The following GARS1 variants were observed in gnomAD, a reference collection of about 807,000 sequenced individuals.
The protein encoded by GARS1 is glycyl-tRNA synthetase 1, also known as glycine--tRNA ligase.
In GARS1, 46 loss-of-function variants were observed where a neutral mutation model predicts 86.4. That is an observed-to-expected ratio of 0.53 (90% CI 0.42 to 0.68). The LOEUF (loss-of-function observed/expected upper bound fraction) is 0.68. Among genes scored for constraint, GARS1 ranks in the 30% least tolerant of loss-of-function variants. The probability of loss-of-function intolerance (pLI) is 0.00; values close to 1 mark genes in which losing one functional copy is unlikely to be tolerated. For synonymous variants in GARS1, 342 were observed against 329.8 expected (o/e 1.04, Z -0.40); for missense variants, 797 against 915.6 (o/e 0.87, Z 1.67).
chr7:30,626,618 T>C (rs1312479581), intron 13 of GARS1, among the ~76,000 whole-genome samples: 1 of 152,238 alleles, frequency 6.6e-6, no homozygotes, highest in Non-Finnish European at 1.5e-5. Context: ...CCCAAAGTGC[T>C]GAGATTACAG....
At position 30,595,066 on chromosome 7, in the gene GARS1, G is replaced by A; in HGVS notation, c.145G>A (p.Ala49Thr). 1 of 1,550,728 alleles carries A rather than the reference G, an allele frequency of 6.4e-7. No individual in the cohort carries two copies. Among genetic ancestry groups the A allele is most frequent in the Non-Finnish European group, 8.7e-7 (1 of 1,154,204 alleles). Residue 49 changes from alanine (A) to threonine (T), a missense_variant, in exon 1 of 17, where the codon GCC (alanine) becomes ACC (threonine). Around this residue, in one of 2 missense-constraint regions of GARS1, gnomAD observed 199 missense variants for 176.9 expected, o/e 1.12. Coordinates refer to ENST00000389266, the MANE Select transcript of GARS1 (RefSeq NM_002047.4). The stretch of plus-strand genomic sequence containing the variant: ...CTGCCCCCCGATCTCCTTGCCCGCC[G>A]CCGCCTCCCGGAGCAGCATGGACGG... ...ASCPPISLPA[A>T]ASRSSMDGAG... is the part of the protein sequence containing the mutation.
At chr7:30,597,026 A>G (rs1333791443) in intron 1 of GARS1, among the ~76,000 whole-genome samples, 1 of 152,242 alleles carries the variant, frequency 6.6e-6, no homozygotes, top group Non-Finnish European at 1.5e-5. Flanking sequence ...TTAAGAAAAC[A>G]ACGGTTAGTA....
rs1783000386 is a variant in GARS1, at chr7:30,621,290, A to G, written c.1360-103A>G. On this transcript the variant is annotated intron_variant, in intron 10 of 16. Transcript: ENST00000389266. ...TGAATGAAGATTATATCATCGAATT[A>G]TCATTGAATATATGAAAGGTTTATA... 1.2e-5 allele frequency: 11 copies of G among 928,284 alleles called. 1 individual carries two copies. In the South Asian group the frequency reaches 1.5e-4, roughly 12 times the overall value. 57.5% of individuals were successfully genotyped at this position (928,284 alleles called of 1,614,324 possible). A position where few individuals can be genotyped will look rare whatever the true frequency, so the allele number is the denominator to read the frequency against.
intron 6 of GARS1, among the ~76,000 whole-genome samples, chr7:30,603,799 A>G (rs1791429435): frequency 6.6e-6 from 1 of 152,202 alleles, no homozygotes; most frequent in Non-Finnish European, 1.5e-5. Context: ...GTTAATAGGC[A>G]TTCAATTTGT....
In GARS1 at chr7:30,632,418, T is replaced by C. The variant is rs1160380398; in HGVS notation, c.2075T>C (p.Met692Thr). The change falls in exon 16 of 17, where the codon ATG (methionine) becomes ACG (threonine). Residue 692 changes from methionine (M) to threonine (T), a missense_variant. By Grantham distance (81) the Met-to-Thr change is moderately conservative. Around this residue, in one of 2 missense-constraint regions of GARS1, gnomAD observed 598 missense variants for 738.7 expected, o/e 0.81. Transcript: ENST00000389266. The surrounding 1 kb of genome is among the most constrained non-coding windows in gnomAD (Gnocchi z 4.1). The part of the protein sequence containing the change: ...HTATLRDRDS[M>T]RQIRAEISEL... ...GCAACTCTGAGGGACCGTGACTCAA[T>C]GCGGCAGATAAGAGCAGAGGTATCT... 1 of 1,614,178 alleles carries C rather than the reference T, an allele frequency of 6.2e-7. No homozygotes were observed. The highest frequency in any genetic ancestry group is 8.5e-7 in the Non-Finnish European group (1 of 1,180,006).
In GARS1 at chr7:30,632,517, T is replaced by G; in HGVS notation, c.2094+80T>G. The G allele has an allele frequency of 6.9e-7, 1 of 1,450,182 alleles. No individual in the cohort carries two copies. Among genetic ancestry groups the G allele is most frequent in the Non-Finnish European group, 9.7e-7 (1 of 1,033,928 alleles). 89.8% of individuals were successfully genotyped at this position (1,450,182 alleles called of 1,614,324 possible). A position where few individuals can be genotyped will look rare whatever the true frequency, so the allele number is the denominator to read the frequency against. On this transcript the variant is annotated intron_variant, in intron 16 of 16. Coordinates refer to ENST00000389266, the MANE Select transcript of GARS1 (RefSeq NM_002047.4). This position sits in a 1 kb window ranked among gnomAD's most constrained non-coding sequence, Gnocchi z 4.1. The stretch of plus-strand genomic sequence containing the variant: ...CTGATTTGTGTTGGATTTTGATGTG[T>G]TTATGCTCCCTTTCCTTTTTTTTTC...
rs895631129 is a variant in GARS1 at position 30,596,487 on chromosome 7, A to G, written c.222+1344A>G. Among the ~76,000 whole-genome samples the G allele has an allele frequency of 2.9e-5, 4 of 137,684 alleles. No homozygotes were observed. In the South Asian group the frequency reaches 6.5e-4, roughly 22 times the overall value. The allele number at this position is 137,684 out of a possible 152,430, so 90.3% of individuals were successfully genotyped here. A position where few individuals can be genotyped will look rare whatever the true frequency, so the allele number is the denominator to read the frequency against. On this transcript the variant is annotated intron_variant, in intron 1 of 16. Transcript: ENST00000389266. Reference sequence around the variant, plus strand: ...AAGGAAGCATACAACTAATTTGGAGAAAAAAAAAAACCACCACACCCAAAC... The same window carrying G: ...AAGGAAGCATACAACTAATTTGGAGGAAAAAAAAAACCACCACACCCAAAC...
chr7:30,595,846 T>C, intron 1 of GARS1: 1 of 471,182 alleles, frequency 2.1e-6, no homozygotes, highest in African/African-American at 2.0e-5. Flanking sequence ...CAGTGAGCCC[T>C]CAGATCGTAA....
At chr7:30,594,766 A>C (rs1347282457), upstream of GARS1, 4 of 638,788 alleles carry the variant, frequency 6.3e-6, no homozygotes, top group Non-Finnish European at 1.1e-5. Context: ...TTTGTGTCGA[A>C]TCTGCGGCGG....
Position 30,633,924 on chromosome 7 carries a change from C to T in GARS1, c.*64C>T. The T allele has an allele frequency of 6.4e-7, 1 of 1,562,532 alleles. No individual in the cohort carries two copies. Among genetic ancestry groups the T allele is most frequent in the Non-Finnish European group, 8.7e-7 (1 of 1,144,290 alleles). On this transcript the variant is annotated 3_prime_UTR_variant, in exon 17 of 17. Transcript: ENST00000389266. ...AAAAAAAAAAAAACTACTCTTATGT[C>T]CACTTTACAAAAGAAAACAGCATTG...
At chr7:30,603,190 C>A in intron 5 of GARS1, 68 bp downstream of exon 5, 1 of 1,342,262 alleles carries the variant, frequency 7.5e-7, no homozygotes, top group Non-Finnish European at 1.1e-6. Context: ...TCTCAGATGT[C>A]TTTCATTAAA....
At chr7:30,603,337 C>A (rs1791418516) in intron 5 of GARS1, among the ~76,000 whole-genome samples, 159 bp from the exon 6 acceptor site, 1 of 152,156 alleles carries the variant, frequency 6.6e-6, no homozygotes, top group South Asian at 2.1e-4. Context: ...GCAAATGAAT[C>A]AAGACAATAC....
chr7:30,598,717 AG>A lies in GARS1; in HGVS notation c.223-77del, dbSNP rs1367452662. 4 of 1,210,650 alleles carry A rather than the reference AG, an allele frequency of 3.3e-6. No homozygotes were observed. The African/African-American group carries it at 6.0e-5, about 18-fold the overall frequency. The allele number at this position is 1,210,650 out of a possible 1,614,324, so 75.0% of individuals were successfully genotyped here. A position where few individuals can be genotyped will look rare whatever the true frequency, so the allele number is the denominator to read the frequency against. ...ATCATTCTTACATAGACTTTTTAAA[AG>A]GCACGCTTAAAAACACATTCCTAAC... is the stretch of plus-strand genomic sequence containing the variant. On this transcript the variant is annotated intron_variant, in intron 1 of 16. Coordinates refer to ENST00000389266, the MANE Select transcript of GARS1 (RefSeq NM_002047.4).
At chr7:30,605,220 TC>T (rs1369676707) in intron 6 of GARS1, among the ~76,000 whole-genome samples, 3 of 152,224 alleles carry the variant, frequency 2.0e-5, no homozygotes, top group African/African-American at 7.2e-5. Flanking sequence ...CATCATTGTT[TC>T]TTTAAAAGGC....
intron 7 of GARS1, 94 bp from the exon 8 acceptor site, chr7:30,612,002 A>T (rs1282765830): frequency 1.0e-5 from 12 of 1,174,044 alleles, no homozygotes; most frequent in Non-Finnish European, 1.4e-5. Flanking sequence ...AAAATGGTAT[A>T]TTTAGGACTT....
At chr7:30,622,694 C>T (rs1761393856) in intron 12 of GARS1, 1 of 506,330 alleles carries the variant, frequency 2.0e-6, no homozygotes, top group African/African-American at 1.9e-5. Context: ...GAGACTTGTC[C>T]AGCCAGGCTG....
intron 2 of GARS1, 23 bp downstream of exon 2, chr7:30,598,920 A>G (rs750880484): frequency 2.8e-5 from 43 of 1,550,492 alleles, no homozygotes; most frequent in Non-Finnish European, 3.7e-5. Flanking sequence ...ATGCTAAAAT[A>G]GGAACATAAG....
At chr7:30,606,788 A>G (rs1198615826) in intron 6 of GARS1, among the ~76,000 whole-genome samples, 1 of 152,208 alleles carries the variant, frequency 6.6e-6, no homozygotes, top group Non-Finnish European at 1.5e-5. Flanking sequence ...TTGATCACTA[A>G]TTATAAACCT....
intron 11 of GARS1, among the ~76,000 whole-genome samples, chr7:30,621,851 T>G (rs1453611181): frequency 6.6e-6 from 1 of 152,230 alleles, no homozygotes; most frequent in Non-Finnish European, 1.5e-5. Flanking sequence ...TGAAAGCTTT[T>G]TCCATTAAAA....
Sources: allele counts gnomAD v4.1 joint callset (sites outside exome capture counted in the v4.1 genomes callset), GRCh38; gene constraint gnomAD v4.1.1; regional missense constraint gnomAD v4.1.1; non-coding constraint Gnocchi (gnomAD v3.1); transcripts MANE v1.5; gene names NCBI Gene and HGNC (gene_info 2026-07-23, HGNC 2026-07-21).